Variants in FARP1 observed in about 807,000 individuals in gnomAD.
FARP1 encodes the protein FERM, ARH/RhoGEF and pleckstrin domain protein 1.
FARP1 carries 52 observed loss-of-function variants against 128.8 expected under a neutral mutation model. The observed-to-expected ratio is 0.40, with a 90% CI of 0.32 to 0.51. The LOEUF is 0.51. Among genes scored for constraint, FARP1 ranks in the 20% least tolerant of loss-of-function variants. FARP1 has a pLI of 0.45. For synonymous variants in FARP1, 580 were observed against 551.8 expected, an observed-to-expected ratio of 1.05 and a Z score of -0.72; for missense variants, 1,333 against 1,367.9, an observed-to-expected ratio of 0.97 and a Z score of 0.40.
At chr13:98,374,349 C>T (rs1281468906) in intron 5 of FARP1, among the ~76,000 whole-genome samples, 1 of 152,136 alleles carries the variant, frequency 6.6e-6, no homozygotes, top group East Asian at 1.9e-4. Context: ...GCTTGAGCCC[C>T]CAGAGGTTGA....
At chr13:98,277,092 G>C (rs1448799772) in intron 2 of FARP1, among the ~76,000 whole-genome samples, 1 of 63,448 alleles carries the variant, frequency 1.6e-5, no homozygotes, top group African/African-American at 5.3e-5. Flanking sequence ...TGAGCTCTTG[G>C]ATCTGCTCTA....
rs548844183 is a variant in FARP1 at position 98,391,378 on chromosome 13, G to A, written c.1088+498G>A. 2.6e-5 allele frequency among the ~76,000 whole-genome samples: 4 copies of A among 152,146 alleles called. No individual in the cohort carries two copies. In the South Asian group the frequency reaches 6.2e-4, roughly 24 times the overall value. ...ACTGCAGCCTCAGCCTCTGGGACTC[G>A]ATCAATCCTCCCACCTCAGCCTCCT... On this transcript the variant is annotated intron_variant, in intron 11 of 26. Coordinates refer to ENST00000319562, the MANE Select transcript of FARP1 (RefSeq NM_005766.4).
At chr13:98,179,859 A>AAAAACAAAAC (rs113820383) in intron 1 of FARP1, among the ~76,000 whole-genome samples, 1 of 151,398 alleles carries the variant, frequency 6.6e-6, no homozygotes, top group Non-Finnish European at 1.5e-5. Context: ...TCCATCTCAA[A>AAAAACAAAAC]AAAACAAAAC....
At chr13:98,158,698 C>G (rs1876661548) in intron 1 of FARP1, among the ~76,000 whole-genome samples, 2 of 152,280 alleles carry the variant, frequency 1.3e-5, no homozygotes, top group African/African-American at 4.8e-5. Context: ...GGACCAGGGA[C>G]AGGGAACAGC....
chr13:98,195,068 G>A (rs1311742025), intron 1 of FARP1, among the ~76,000 whole-genome samples: 2 of 152,162 alleles, frequency 1.3e-5, no homozygotes, highest in Admixed American at 1.3e-4. Context: ...GCAAATAAGT[G>A]CTTCAAGACT....
chr13:98,385,860 A>G (rs1566941656), intron 8 of FARP1, 46 bp downstream of exon 8: 1 of 1,599,164 alleles, frequency 6.3e-7, no homozygotes, highest in African/African-American at 1.3e-5. Flanking sequence ...TGACAGAGAG[A>G]GAAGAGCTGG....
intron 5 of FARP1, among the ~76,000 whole-genome samples, chr13:98,375,689 T>C (rs1889549958): frequency 6.6e-6 from 1 of 152,088 alleles, no homozygotes; most frequent in African/African-American, 2.4e-5. Context: ...AGTGCAGTGG[T>C]GCAATCTCGG....
In FARP1 at chr13:98,453,250, T is replaced by G; in HGVS notation, c.*4933T>G. ...GAGAGAGAAGTCAACACATGTCATT[T>G]CTCATCCCTGTGCAAAAATTCATAT... On this transcript the variant is annotated 3_prime_UTR_variant, in exon 27 of 27. Transcript: ENST00000319562. 1 of 1,594,266 alleles carries G rather than the reference T, an allele frequency of 6.3e-7. No individual in the cohort carries two copies. The highest frequency in any genetic ancestry group is 8.5e-7 in the Non-Finnish European group (1 of 1,172,358).
intron 8 of FARP1, among the ~76,000 whole-genome samples, chr13:98,387,385 T>C (rs1347233734): frequency 6.6e-6 from 1 of 152,180 alleles, no homozygotes; most frequent in Non-Finnish European, 1.5e-5. Context: ...TAAAAAGTAT[T>C]AAGAAGGAAA....
At chr13:98,333,770 G>A (rs1887621062) in intron 2 of FARP1, 1 of 152,062 alleles carries the variant, frequency 6.6e-6, no homozygotes, top group Admixed American at 6.6e-5. Context: ...CAGAACCGAT[G>A]GGCAGGCCTA....
intron 13 of FARP1, chr13:98,406,435 T>A (rs1336700431): frequency 6.6e-6 from 1 of 152,220 alleles, no homozygotes; most frequent in Non-Finnish European, 1.5e-5. Flanking sequence ...ACTTTGATAT[T>A]TATTGGCTTC....
intron 13 of FARP1, chr13:98,398,108 T>C (rs1377181226): frequency 6.6e-6 from 1 of 152,016 alleles, no homozygotes; most frequent in Non-Finnish European, 1.5e-5. Flanking sequence ...GCATAGAAAA[T>C]GGAGGAGGAT....
chr13:98,271,810 C>T (rs1884404423), intron 2 of FARP1, among the ~76,000 whole-genome samples: 1 of 152,120 alleles, frequency 6.6e-6, no homozygotes, highest in African/African-American at 2.4e-5. Context: ...TAATCTATCA[C>T]TGATTTGATA....
chr13:98,442,197 C>T (rs1343594746), intron 24 of FARP1, among the ~76,000 whole-genome samples: 3 of 152,226 alleles, frequency 2.0e-5, no homozygotes, highest in East Asian at 3.9e-4. Flanking sequence ...GGCCAGTTCC[C>T]ACACAGGCCT....
At position 98,435,613 on chromosome 13, in the gene FARP1, C is replaced by G. The variant is rs1365232104; in HGVS notation, c.2181C>G (p.Leu727=). 6.2e-7 allele frequency: 1 copy of G among 1,613,766 alleles called. No homozygotes were observed. The highest frequency in any genetic ancestry group is 8.5e-7 in the Non-Finnish European group (1 of 1,179,924). Residue 727 remains leucine (L), a synonymous_variant, in exon 19 of 27, where the codon CTC becomes CTG. Coordinates refer to ENST00000319562, the MANE Select transcript of FARP1 (RefSeq NM_005766.4). The stretch of plus-strand genomic sequence containing the variant: ...AGATCACGGAGATGGTGGCACAGCT[C>G]CACGGTACGATGATCAAGATGGAGA... ...LAEITEMVAQ[L]HGTMIKMENF... is the part of the protein sequence containing the mutation.
intron 1 of FARP1, among the ~76,000 whole-genome samples, chr13:98,144,289 T>G (rs1594192833): frequency 6.6e-6 from 1 of 151,978 alleles, no homozygotes; most frequent in South Asian, 2.1e-4. Flanking sequence ...TTGTGGCAGC[T>G]GGAGGCCAGC....
rs574552213 is a variant in FARP1 at position 98,181,496 on chromosome 13, T to C, written c.-23-31724T>C. Among the ~76,000 whole-genome samples, 4 of 152,042 alleles carry C rather than the reference T, an allele frequency of 2.6e-5. 1 individual carries two copies. The highest frequency in any genetic ancestry group is 9.6e-5 in the African/African-American group (4 of 41,478). On this transcript the variant is annotated intron_variant, in intron 1 of 26. Coordinates refer to ENST00000319562, the MANE Select transcript of FARP1 (RefSeq NM_005766.4). ...TGTTCTTTATTATTAAAAAGTGACT[T>C]GTTTGGGAAGAAGTGATACATTCTC... is the stretch of plus-strand genomic sequence containing the variant.
intron 2 of FARP1, among the ~76,000 whole-genome samples, chr13:98,262,431 T>G (rs1433332050): frequency 6.6e-6 from 1 of 152,166 alleles, no homozygotes; most frequent in African/African-American, 2.4e-5. Flanking sequence ...GAGGGCAGCC[T>G]GTGAATATGG....
chr13:98,177,108 G>A (rs748940106), intron 1 of FARP1: 5 of 1,601,262 alleles, frequency 3.1e-6, no homozygotes, highest in South Asian at 2.2e-5. Flanking sequence ...TGCTCTCTCC[G>A]TGCTCGGGGT....
Sources: allele counts gnomAD v4.1 joint callset (sites outside exome capture counted in the v4.1 genomes callset), GRCh38; gene constraint gnomAD v4.1.1; transcripts MANE v1.5; gene names NCBI Gene and HGNC (gene_info 2026-07-23, HGNC 2026-07-21).